Variants in LRRIQ1 observed in about 807,000 individuals in gnomAD.
LRRIQ1 encodes the protein leucine rich repeats and IQ motif containing 1.
LRRIQ1 carries 210 observed loss-of-function variants against 211.9 expected under a neutral mutation model. That is an observed-to-expected ratio of 0.99 (90% confidence interval 0.89 to 1.11). LRRIQ1 has a LOEUF of 1.11. LRRIQ1 is among the 50% of genes most tolerant of loss of function. LRRIQ1 has a pLI of 0.00. For synonymous variants in LRRIQ1, 699 were observed against 650.1 expected (o/e 1.08, Z -1.14); for missense variants, 2,136 against 1,939.5 (o/e 1.10, Z -1.90).
At chr12:85,239,953 G>A (rs1895388902) in intron 26 of LRRIQ1, among the ~76,000 whole-genome samples, 1 of 151,946 alleles carries the variant, frequency 6.6e-6, no homozygotes, top group South Asian at 2.1e-4. Flanking sequence ...ACTGCAGCCT[G>A]GGCAACAGAG....
At chr12:85,178,139 A>G (rs1891807174) in intron 24 of LRRIQ1, among the ~76,000 whole-genome samples, 1 of 151,804 alleles carries the variant, frequency 6.6e-6, no homozygotes, top group African/African-American at 2.4e-5. Flanking sequence ...TTGGTGTCCC[A>G]TTTCCTTTTT....
At chr12:85,249,121 T>C (rs942049926), downstream of LRRIQ1, among the ~76,000 whole-genome samples, 4 of 151,750 alleles carry the variant, frequency 2.6e-5, no homozygotes, top group Non-Finnish European at 5.9e-5. Flanking sequence ...TTTATAGCTC[T>C]TATGAAAAAA....
intron 1 of LRRIQ1, among the ~76,000 whole-genome samples, chr12:85,250,966 A>ATT (rs1895923589): frequency 8.6e-6 from 1 of 116,572 alleles, no homozygotes; most frequent in African/African-American, 3.3e-5. Flanking sequence ...TATATATTAT[A>ATT]TTATATATAT....
chr12:85,063,490 G>A lies in LRRIQ1; in HGVS notation c.2392-1772G>A, dbSNP rs575818510. On this transcript the variant is annotated intron_variant, in intron 8 of 26. Transcript: ENST00000393217. ...TACAATGCATAATAATCACATTATA[G>A]TAGATGGGGTATCCATTATCTCAAG... Among the ~76,000 whole-genome samples the A allele has an allele frequency of 4.0e-5, 6 of 151,608 alleles. No homozygotes were observed. In the East Asian group the frequency reaches 7.8e-4, roughly 20 times the overall value.
chr12:85,150,186 A>G lies in LRRIQ1; in HGVS notation c.4330-2094A>G, dbSNP rs79601421. ...TGCCTGACAGTGCTGGTCGTTTTCC[A>G]TAACCACTCCTCAGGTGGCATGTTG... On this transcript the variant is annotated intron_variant, in intron 19 of 26. Transcript: ENST00000393217. Among the ~76,000 whole-genome samples the G allele has an allele frequency of 7.6e-3, 1,153 of 151,912 alleles. 19 individuals carry two copies. Among genetic ancestry groups the G allele is most frequent in the African/African-American group, 0.026 (1,085 of 41,510 alleles).
intron 7 of LRRIQ1, among the ~76,000 whole-genome samples, chr12:85,055,290 G>C (rs74111257): frequency 0.013 from 1,999 of 151,908 alleles, 51 homozygotes; most frequent in African/African-American, 0.045. Context: ...TATCTTCAAG[G>C]AAATCTTCAA....
At chr12:85,134,816 C>T (rs938229337) in intron 18 of LRRIQ1, among the ~76,000 whole-genome samples, 3 of 151,938 alleles carry the variant, frequency 2.0e-5, no homozygotes, top group Non-Finnish European at 2.9e-5. Context: ...ATATACCTAC[C>T]TTCAACATGA....
intron 21 of LRRIQ1, 128 bp from the exon 22 acceptor site, chr12:85,153,535 C>G: frequency 1.5e-6 from 1 of 665,786 alleles, no homozygotes; most frequent in Non-Finnish European, 2.6e-6. Flanking sequence ...TATTGCCTTT[C>G]AAGATAATGT....
At chr12:85,271,532 A>G in the LRRIQ1 span, among the ~76,000 whole-genome samples, 1 of 152,124 alleles carries the variant, frequency 6.6e-6, no homozygotes, top group Non-Finnish European at 1.5e-5. Context: ...GCTTCATATT[A>G]TTATTCTTTC....
chr12:85,161,473 G>A (rs2136734591), intron 24 of LRRIQ1, among the ~76,000 whole-genome samples: 1 of 151,206 alleles, frequency 6.6e-6, no homozygotes. Context: ...CCTATAGTTT[G>A]GATAGCAATT....
At chr12:85,145,530 C>T (rs1252283701) in intron 19 of LRRIQ1, among the ~76,000 whole-genome samples, 1 of 151,568 alleles carries the variant, frequency 6.6e-6, no homozygotes, top group Non-Finnish European at 1.5e-5. Context: ...AGTTAGGATG[C>T]TGATAGAAGG....
chr12:85,193,197 T>C (rs2136959264), intron 24 of LRRIQ1, among the ~76,000 whole-genome samples: 1 of 130,594 alleles, frequency 7.7e-6, no homozygotes, highest in South Asian at 2.2e-4. Flanking sequence ...TACATCTGAT[T>C]GGTGTACCTG....
intron 3 of LRRIQ1, among the ~76,000 whole-genome samples, chr12:85,043,285 T>A (rs564672493): frequency 6.6e-6 from 1 of 152,194 alleles, no homozygotes; most frequent in Non-Finnish European, 1.5e-5. Context: ...TGATTAAGTC[T>A]GTAGTCATCT....
At chr12:85,127,030 AAG>A (rs1486158129) in intron 17 of LRRIQ1, among the ~76,000 whole-genome samples, 8 of 152,196 alleles carry the variant, frequency 5.3e-5, no homozygotes, top group African/African-American at 1.4e-4. Flanking sequence ...GGAATTTGAA[AAG>A]AGAGTAAGAG....
At chr12:85,239,000 A>G (rs1216203485) in intron 26 of LRRIQ1, among the ~76,000 whole-genome samples, 3 of 152,188 alleles carry the variant, frequency 2.0e-5, no homozygotes, top group African/African-American at 4.8e-5. Flanking sequence ...TAAAAATTTC[A>G]TTCATGACAA....
intron 24 of LRRIQ1, among the ~76,000 whole-genome samples, chr12:85,198,955 T>C (rs1009562896): frequency 1.3e-5 from 2 of 152,178 alleles, no homozygotes; most frequent in African/African-American, 4.8e-5. Flanking sequence ...CACTTTTTAA[T>C]GGGGTTGTTT....
At chr12:85,193,616 A>C (rs1209148685) in intron 24 of LRRIQ1, among the ~76,000 whole-genome samples, 1 of 151,680 alleles carries the variant, frequency 6.6e-6, no homozygotes, top group Non-Finnish European at 1.5e-5. Context: ...ACAGACAAGC[A>C]AATGCTGAGA....
At chr12:85,064,279 A>C (rs1436621115) in intron 8 of LRRIQ1, among the ~76,000 whole-genome samples, 2 of 151,858 alleles carry the variant, frequency 1.3e-5, no homozygotes. Flanking sequence ...GATCAGTGAT[A>C]ATAAGCATCT....
chr12:85,269,576 A>G, the LRRIQ1 span, among the ~76,000 whole-genome samples: 5 of 152,008 alleles, frequency 3.3e-5, no homozygotes, highest in African/African-American at 7.2e-5. Flanking sequence ...GCTTCCAAGT[A>G]TAGACATTGG....
Sources: gnomAD v4.1 joint callset for allele counts (sites outside exome capture counted in the v4.1 genomes callset) on GRCh38, gnomAD v4.1.1 for gene constraint, MANE v1.5 for transcripts, NCBI Gene and HGNC (gene_info 2026-07-23, HGNC 2026-07-21) for gene names.